ATAD2B: variants seen among roughly 807,000 people sequenced by gnomAD.
ATAD2B encodes ATPase family AAA domain containing 2B.
Under a neutral mutation model 167.6 loss-of-function variants are expected in ATAD2B, and 40 were observed. That is an observed-to-expected ratio of 0.24 (90% CI 0.19 to 0.31). ATAD2B has a LOEUF of 0.31. ATAD2B is among the 10% of genes least tolerant of loss of function. The pLI, the probability that ATAD2B is intolerant of heterozygous loss-of-function variation, is 1.00. For missense variants in ATAD2B, 1,242 were observed against 1,757.2 expected (o/e 0.71, Z 5.24); for synonymous variants, 579 against 596.5 (o/e 0.97, Z 0.43).
At position 23,877,067 on chromosome 2, in the gene ATAD2B, C is replaced by CAA. The variant is rs36018928; in HGVS notation, c.902-1165_902-1164dup. On this transcript the variant is annotated intron_variant, in intron 7 of 27. Transcript: ENST00000238789. ...GGGCAAGAAGAGCGAAACTCCATCT[C>CAA]AAAAAAAAAAAAAAAAAGAAAGAAA... 9.0e-3 allele frequency among the ~76,000 whole-genome samples: 978 copies of CAA among 108,988 alleles called. 9 individuals are homozygous for CAA. The highest frequency in any genetic ancestry group is 0.033 in the Middle Eastern group (7 of 212). The allele number at this position is 108,988 out of a possible 152,430, so 71.5% of individuals were successfully genotyped here.
chr2:23,825,109 ATTTTTTTTTT>A (rs70941593), intron 15 of ATAD2B, among the ~76,000 whole-genome samples: 1 of 111,526 alleles, frequency 9.0e-6, no homozygotes, highest in African/African-American at 3.6e-5. Context: ...CATCAGGCTA[ATTTTTTTTTT>A]TTTTTTTTTT....
chr2:23,770,969 T>C (rs967092995), intron 22 of ATAD2B, among the ~76,000 whole-genome samples: 1 of 152,238 alleles, frequency 6.6e-6, no homozygotes, highest in Non-Finnish European at 1.5e-5. Context: ...CCATAAGCCA[T>C]GACATATATC....
In ATAD2B at chr2:23,752,029, C is replaced by A; in HGVS notation, c.*17G>T. On this transcript the variant is annotated 3_prime_UTR_variant, in exon 28 of 28. Transcript: ENST00000238789. ...GAGGAGCAGATTGGAGAGGATAAAC[C>A]ACTCATCTTGAAAAGTTCATAGGAA... 6.4e-7 allele frequency: 1 copy of A among 1,550,748 alleles called. No homozygotes were observed. Among genetic ancestry groups the A allele is most frequent in the South Asian group, 1.2e-5 (1 of 84,488 alleles).
downstream of ATAD2B, among the ~76,000 whole-genome samples, chr2:23,748,499 T>TA (rs554498425): frequency 6.0e-4 from 91 of 152,256 alleles, 1 homozygote; most frequent in Middle Eastern, 3.4e-3. Context: ...AGCTTTCAGC[T>TA]AAAAAATCGT....
chr2:23,858,245 C>T (rs1018738472), intron 12 of ATAD2B, among the ~76,000 whole-genome samples: 2 of 151,798 alleles, frequency 1.3e-5, no homozygotes, highest in Admixed American at 1.3e-4. Context: ...CTCAGCCTCC[C>T]GAGTAGCTGG....
chr2:23,775,766 C>T (rs1679009021), intron 22 of ATAD2B, among the ~76,000 whole-genome samples: 2 of 152,200 alleles, frequency 1.3e-5, no homozygotes, highest in Admixed American at 6.5e-5. Context: ...ATTCTACACA[C>T]TGTCTATGAA....
At chr2:23,887,497 T>C (rs1432620381) in intron 4 of ATAD2B, among the ~76,000 whole-genome samples, 1 of 152,234 alleles carries the variant, frequency 6.6e-6, no homozygotes, top group Non-Finnish European at 1.5e-5. Context: ...TATAATTTCC[T>C]CTCTTGTCAA....
chr2:23,745,469 G>GA (rs1674829072), downstream of ATAD2B, among the ~76,000 whole-genome samples: 1 of 144,706 alleles, frequency 6.9e-6, no homozygotes, highest in Non-Finnish European at 1.5e-5. Context: ...GGAAAGGAAG[G>GA]AAGGAAGGAA....
chr2:23,855,368 GT>G (rs1693229345), intron 13 of ATAD2B, among the ~76,000 whole-genome samples: 1 of 152,076 alleles, frequency 6.6e-6, no homozygotes, highest in Admixed American at 6.6e-5. Context: ...AATATTATTT[GT>G]ATTACTATTA....
chr2:23,756,156 TA>T (rs891594236), intron 25 of ATAD2B, among the ~76,000 whole-genome samples: 1 of 152,194 alleles, frequency 6.6e-6, no homozygotes, highest in Non-Finnish European at 1.5e-5. Flanking sequence ...CCCATGCTGT[TA>T]TATTCATTAC....
chr2:23,830,159 T>C (rs1246951838), intron 14 of ATAD2B, among the ~76,000 whole-genome samples: 4 of 152,094 alleles, frequency 2.6e-5, no homozygotes, highest in Non-Finnish European at 5.9e-5. Flanking sequence ...AATTTTTGTA[T>C]TTTTAGTAGA....
At chr2:23,902,347 GA>G in intron 1 of ATAD2B, among the ~76,000 whole-genome samples, 1 of 152,248 alleles carries the variant, frequency 6.6e-6, no homozygotes, top group South Asian at 2.1e-4. Flanking sequence ...TCCCTCCAAA[GA>G]AATCTAGGGA....
Position 23,913,718 on chromosome 2 carries a change from C to A in ATAD2B, c.216+12837G>T, listed in dbSNP as rs1702630909. 2.6e-5 allele frequency among the ~76,000 whole-genome samples: 4 copies of A among 151,176 alleles called. No individual in the cohort carries two copies. In the South Asian group the frequency reaches 8.3e-4, roughly 31 times the overall value. On this transcript the variant is annotated intron_variant, in intron 1 of 27. Coordinates refer to ENST00000238789, the MANE Select transcript of ATAD2B (RefSeq NM_017552.4). ...AATTGAAATTAAAATTGAAAAACAA[C>A]CCCCAAACATCTAAGTCAACCTTGA...
At chr2:23,856,308 G>A in intron 13 of ATAD2B, 1 of 184,474 alleles carries the variant, frequency 5.4e-6, no homozygotes, top group Non-Finnish European at 1.3e-5. Context: ...ATCCAAAACT[G>A]AAAAAGCTTT....
At chr2:23,856,467 T>C in intron 13 of ATAD2B, 1 of 419,620 alleles carries the variant, frequency 2.4e-6, no homozygotes, top group Admixed American at 2.9e-5. Context: ...AAAACAAATC[T>C]CCCATCAGAT....
the ATAD2B span, among the ~76,000 whole-genome samples, chr2:23,698,870 G>A: frequency 3.3e-5 from 5 of 152,136 alleles, no homozygotes; most frequent in Non-Finnish European, 7.4e-5. Flanking sequence ...CAGGAAATTC[G>A]CATTTGGTGC....
intron 8 of ATAD2B, chr2:23,873,118 A>G (rs1696260716): frequency 2.5e-6 from 1 of 401,976 alleles, no homozygotes; most frequent in Non-Finnish European, 4.7e-6. Flanking sequence ...TTTGATATTT[A>G]TCCTCTCCTC....
intron 5 of ATAD2B, 61 bp from the exon 6 acceptor site, chr2:23,884,934 C>T (rs1266154401): frequency 1.0e-5 from 11 of 1,084,396 alleles, no homozygotes; most frequent in Admixed American, 5.6e-5. Context: ...TACAAAAAAA[C>T]AACCCAATGG....
At chr2:23,921,946 G>A (rs562146090) in intron 1 of ATAD2B, among the ~76,000 whole-genome samples, 4 of 152,042 alleles carry the variant, frequency 2.6e-5, no homozygotes, top group African/African-American at 9.6e-5. Context: ...CCTCAATTTC[G>A]ACCACTCTGC....
Sources: allele counts gnomAD v4.1 joint callset (sites outside exome capture counted in the v4.1 genomes callset), GRCh38; gene constraint gnomAD v4.1.1; transcripts MANE v1.5; gene names NCBI Gene and HGNC (gene_info 2026-07-23, HGNC 2026-07-21).